PCDH15: variants seen among roughly 807,000 people sequenced by gnomAD.
PCDH15 encodes the protein protocadherin-15.
PCDH15 carries 129 observed loss-of-function variants against 178.5 expected under a neutral mutation model. That is an observed-to-expected ratio of 0.72 (90% CI 0.63 to 0.84). PCDH15 has a LOEUF of 0.84. Among genes scored for constraint, PCDH15 ranks in the 40% least tolerant of loss-of-function variants. The probability of loss-of-function intolerance (pLI) is 0.00; values close to 1 mark genes in which losing one functional copy is unlikely to be tolerated. For missense variants in PCDH15, 2,230 were observed against 2,099.9 expected, an observed-to-expected ratio of 1.06 and a Z score of -1.21; for synonymous variants, 800 against 732.0, an observed-to-expected ratio of 1.09 and a Z score of -1.50.
chr10:54,564,462 A>G (rs925335042), intron 2 of PCDH15, among the ~76,000 whole-genome samples: 1 of 152,168 alleles, frequency 6.6e-6, no homozygotes, highest in Non-Finnish European at 1.5e-5. Context: ...CCTTTAGTGT[A>G]GTAGATAAAG....
At chr10:54,779,491 T>TATAG (rs1950125649) in intron 1 of PCDH15, among the ~76,000 whole-genome samples, 1 of 138,272 alleles carries the variant, frequency 7.2e-6, no homozygotes, top group Non-Finnish European at 1.6e-5. Flanking sequence ...TATATATGTA[T>TATAG]ATATATACAC....
chr10:53,916,955 A>G (rs2083577416), intron 25 of PCDH15, among the ~76,000 whole-genome samples: 1 of 152,084 alleles, frequency 6.6e-6, no homozygotes, highest in Non-Finnish European at 1.5e-5. Flanking sequence ...AAATACCAAT[A>G]GCATGAAATT....
intron 3 of PCDH15, among the ~76,000 whole-genome samples, chr10:54,834,276 G>A (rs1225443609): frequency 2.0e-5 from 3 of 150,406 alleles, no homozygotes; most frequent in African/African-American, 7.4e-5. Context: ...TGCAACCTCC[G>A]CCTCCCAGGT....
In PCDH15 at chr10:54,962,930, C is replaced by T. The variant is rs566393227; in HGVS notation, c.-79-65430G>A. Among the ~76,000 whole-genome samples, 13 of 152,262 alleles carry T rather than the reference C, an allele frequency of 8.5e-5. No individual in the cohort carries two copies. In the South Asian group the frequency reaches 2.7e-3, roughly 32 times the overall value. ...GCTAGTGAAGCAACACCTGAAGGAT[C>T]CTGTGACAGAACTGAACTCTGTTTA... On this transcript the variant is annotated intron_variant, in intron 2 of 5. Transcript: ENST00000458638.
chr10:54,741,424 GA>G (rs1316305132), intron 1 of PCDH15, among the ~76,000 whole-genome samples: 1 of 151,806 alleles, frequency 6.6e-6, no homozygotes, highest in Non-Finnish European at 1.5e-5. Flanking sequence ...AGGACATATA[GA>G]AAGTGAAAGG....
At chr10:54,502,522 T>A (rs2137474638) in intron 3 of PCDH15, among the ~76,000 whole-genome samples, 1 of 152,210 alleles carries the variant, frequency 6.6e-6, no homozygotes, top group East Asian at 1.9e-4. Context: ...TCTAAAGTAC[T>A]ATATATAAGT....
chr10:54,783,748 G>T (rs1950581859), intron 1 of PCDH15, among the ~76,000 whole-genome samples: 2 of 152,122 alleles, frequency 1.3e-5, no homozygotes, highest in Non-Finnish European at 2.9e-5. Context: ...TCTCCAAAGT[G>T]GGGAGGCTGG....
At chr10:54,342,931 G>A (rs1035783549) in intron 6 of PCDH15, among the ~76,000 whole-genome samples, 4 of 152,198 alleles carry the variant, frequency 2.6e-5, no homozygotes, top group Admixed American at 2.6e-4. Flanking sequence ...CAGAATGGGT[G>A]TATATACCTA....
At chr10:54,286,920 C>T (rs2059065018) in intron 8 of PCDH15, among the ~76,000 whole-genome samples, 1 of 152,170 alleles carries the variant, frequency 6.6e-6, no homozygotes, top group Admixed American at 6.5e-5. Context: ...CTGTGACTGG[C>T]CAATATTTTA....
At position 55,256,683 on chromosome 10, in the gene PCDH15, G is replaced by A. The variant is rs190601298; in HGVS notation, c.-156+62916C>T. On this transcript the variant is annotated intron_variant, in intron 1 of 5. Coordinates refer to the PCDH15 transcript ENST00000458638. ...GCGGCAGCGAGGCTGGGGGAGGGGCGCCCGCCATTGCTCAGGCCTGAGTAG... is the reference window on the plus strand; with the variant it reads ...GCGGCAGCGAGGCTGGGGGAGGGGCACCCGCCATTGCTCAGGCCTGAGTAG... Among the ~76,000 whole-genome samples the A allele has an allele frequency of 5.6e-3, 859 of 152,254 alleles. 10 individuals carry two copies. The highest frequency in any genetic ancestry group is 0.02 in the African/African-American group (826 of 41,566).
intron 2 of PCDH15, among the ~76,000 whole-genome samples, chr10:55,393,163 T>C (rs570264362): frequency 1.3e-5 from 2 of 152,220 alleles, no homozygotes; most frequent in South Asian, 4.1e-4. Context: ...TATAGAGCCT[T>C]AGTCAGACTG....
chr10:54,968,995 T>C (rs1344261360), intron 2 of PCDH15, among the ~76,000 whole-genome samples: 6 of 152,150 alleles, frequency 3.9e-5, no homozygotes, highest in African/African-American at 1.2e-4. Flanking sequence ...TCATAATTTA[T>C]CTTCATGTAC....
At chr10:54,508,378 A>C (rs1254133331) in intron 3 of PCDH15, among the ~76,000 whole-genome samples, 2 of 152,166 alleles carry the variant, frequency 1.3e-5, no homozygotes, top group East Asian at 3.9e-4. Context: ...GGCAAGCCTC[A>C]GTCATACTCT....
intron 21 of PCDH15, among the ~76,000 whole-genome samples, chr10:53,964,389 TTTTA>T (rs756332988): frequency 6.8e-6 from 1 of 147,804 alleles, no homozygotes; most frequent in Non-Finnish European, 1.5e-5. Flanking sequence ...TATTTATAAA[TTTTA>T]TTTATTCATA....
At chr10:53,978,124 T>C (rs2090339801) in intron 21 of PCDH15, among the ~76,000 whole-genome samples, 1 of 152,122 alleles carries the variant, frequency 6.6e-6, no homozygotes, top group Non-Finnish European at 1.5e-5. Flanking sequence ...TTCTCACAGC[T>C]CCACTAGGCA....
chr10:54,936,771 T>A (rs1837917965), intron 2 of PCDH15, among the ~76,000 whole-genome samples: 1 of 151,366 alleles, frequency 6.6e-6, no homozygotes, highest in African/African-American at 2.4e-5. Context: ...AGGAAACAAG[T>A]CTTTTATTAT....
At chr10:54,270,687 C>T (rs536041224) in intron 8 of PCDH15, among the ~76,000 whole-genome samples, 2 of 152,126 alleles carry the variant, frequency 1.3e-5, no homozygotes, top group East Asian at 3.9e-4. Flanking sequence ...TACATTCTAG[C>T]TGTTTGTGGA....
chr10:54,671,301 C>T (rs970317694), intron 1 of PCDH15, among the ~76,000 whole-genome samples: 1 of 152,018 alleles, frequency 6.6e-6, no homozygotes, highest in African/African-American at 2.4e-5. Context: ...ATTATAGATT[C>T]TAAGAAACAC....
chr10:54,995,204 G>A (rs1314364175), intron 2 of PCDH15, among the ~76,000 whole-genome samples: 2 of 152,034 alleles, frequency 1.3e-5, no homozygotes, highest in Admixed American at 6.5e-5. Context: ...GTGAAACCCT[G>A]TCTCTACTAA....
Sources: gnomAD v4.1 joint callset for allele counts (sites outside exome capture counted in the v4.1 genomes callset) on GRCh38, gnomAD v4.1.1 for gene constraint, MANE v1.5 for transcripts, NCBI Gene and HGNC (gene_info 2026-07-23, HGNC 2026-07-21) for gene names.